CEP97: variants seen among roughly 807,000 people sequenced by gnomAD.
The protein encoded by CEP97 is centrosomal protein of 97 kDa.
Under a neutral mutation model 73.1 loss-of-function variants are expected in CEP97, and 43 were observed. That is an observed-to-expected ratio of 0.59 (90% CI 0.46 to 0.76). The LOEUF (loss-of-function observed/expected upper bound fraction) is 0.76. CEP97 is among the 30% of genes least tolerant of loss of function. The pLI is 0.00. For synonymous variants in CEP97, 337 were observed against 370.0 expected, an observed-to-expected ratio of 0.91 and a Z score of 1.02; for missense variants, 939 against 1,014.0, an observed-to-expected ratio of 0.93 and a Z score of 1.00.
At position 101,750,743 on chromosome 3, in the gene CEP97, A is replaced by G. The variant is rs548010765; in HGVS notation, c.729-4687A>G. On this transcript the variant is annotated intron_variant, in intron 6 of 10. Coordinates refer to ENST00000341893, the MANE Select transcript of CEP97 (RefSeq NM_024548.4). ...CTCTGATGGTAGTTTGTATTTCTGT[A>G]GGATCGGTGGTGATATCCCCTTTGT... Among the ~76,000 whole-genome samples the G allele has an allele frequency of 7.3e-4, 111 of 152,150 alleles. 2 individuals are homozygous for G. In the South Asian group the frequency reaches 0.022, roughly 30 times the overall value.
At chr3:101,733,422 T>G (rs896775942) in intron 6 of CEP97, among the ~76,000 whole-genome samples, 3 of 152,190 alleles carry the variant, frequency 2.0e-5, no homozygotes. Context: ...TATCTTAGAA[T>G]TCTCCAAATA....
At chr3:101,729,552 T>G (rs1418538994) in intron 4 of CEP97, among the ~76,000 whole-genome samples, 1 of 152,016 alleles carries the variant, frequency 6.6e-6, no homozygotes, top group Non-Finnish European at 1.5e-5. Context: ...TTTGGTGAGG[T>G]TGAGATTAAT....
At chr3:101,731,393 G>A (rs956440322) in intron 4 of CEP97, among the ~76,000 whole-genome samples, 1 of 151,534 alleles carries the variant, frequency 6.6e-6, no homozygotes, top group Admixed American at 6.6e-5. Context: ...TAGAGACCAG[G>A]TCTCACTATG....
At chr3:101,727,659 T>G in intron 3 of CEP97, 118 bp downstream of exon 3, 1 of 729,906 alleles carries the variant, frequency 1.4e-6, no homozygotes, top group Non-Finnish European at 2.2e-6. Context: ...GGATAATCTC[T>G]GTTAAAATAA....
chr3:101,734,525 G>A (rs1390832849), intron 6 of CEP97, among the ~76,000 whole-genome samples: 1 of 152,114 alleles, frequency 6.6e-6, no homozygotes, highest in South Asian at 2.1e-4. Flanking sequence ...TCCCTTCTCT[G>A]TCTCTCTGCT....
chr3:101,733,688 G>A (rs181230383), intron 6 of CEP97, among the ~76,000 whole-genome samples: 7,425 of 150,906 alleles, frequency 0.049, 643 homozygotes, highest in African/African-American at 0.17. Context: ...CCGCCACTAC[G>A]CCCGGCTAAT....
chr3:101,724,694 G>C lies in CEP97; in HGVS notation c.18G>C (p.Val6=), dbSNP rs757072345. The C allele has an allele frequency of 1.9e-6, 3 of 1,614,188 alleles. No individual in the cohort carries two copies. The highest frequency in any genetic ancestry group is 1.6e-4 in the Middle Eastern group (1 of 6,062). The change falls in exon 1 of 11, where the codon GTG becomes GTC. Residue 6 remains valine, a synonymous_variant. Coordinates refer to ENST00000341893, the MANE Select transcript of CEP97 (RefSeq NM_024548.4). ...CAGCAAATATGGCGGTGGCGCGCGT[G>C]GACGCGGCTTTGCCTCCCGGAGAAG... MAVAR[V]DAALPPGEGS... is the part of the protein sequence containing the mutation.
rs1375545402 is a variant in CEP97 at position 101,732,608 on chromosome 3, C to T, written c.682C>T (p.Leu228=). The stretch of plus-strand genomic sequence containing the variant: ...TCGGCCGTACATCGTCAGCTGGTGC[C>T]TAAACCTCAGAGTCCTAGATGGATA... The part of the protein sequence containing the change: ...DYRPYIVSWC[L]NLRVLDGYVI... Residue 228 remains leucine (L), a synonymous_variant, in exon 6 of 11, where the codon CTA becomes TTA. Coordinates refer to ENST00000341893, the MANE Select transcript of CEP97 (RefSeq NM_024548.4). 1.9e-6 allele frequency: 3 copies of T among 1,613,950 alleles called. No individual in the cohort carries two copies. The highest frequency in any genetic ancestry group is 2.5e-6 in the Non-Finnish European group (3 of 1,179,948).
Position 101,724,655 on chromosome 3 carries a change from G to T in CEP97, c.-22G>T, listed in dbSNP as rs1560005268. The T allele has an allele frequency of 1.2e-6, 2 of 1,614,172 alleles. No homozygotes were observed. The highest frequency in any genetic ancestry group is 1.7e-5 in the Admixed American group (1 of 60,026). ...AGAGCCGCGGGAGGACGGTTGCCTG[G>T]TATTATTAGCAAGCAGCAAATATGG... On this transcript the variant is annotated 5_prime_UTR_variant, in exon 1 of 11. Coordinates refer to ENST00000341893, the MANE Select transcript of CEP97 (RefSeq NM_024548.4).
intron 6 of CEP97, among the ~76,000 whole-genome samples, chr3:101,746,839 A>T (rs1455289732): frequency 1.3e-5 from 2 of 149,620 alleles, no homozygotes; most frequent in Non-Finnish European, 3.0e-5. Context: ...CAAGAAAAAA[A>T]CAAACAACCC....
intron 10 of CEP97, among the ~76,000 whole-genome samples, chr3:101,763,856 A>C (rs571307398): frequency 6.6e-6 from 1 of 151,906 alleles, no homozygotes; most frequent in Admixed American, 6.6e-5. Context: ...TATTGAATAG[A>C]TCTCATTATA....
chr3:101,731,694 G>A (rs1576677221), intron 4 of CEP97, 146 bp from the exon 5 acceptor site: 1 of 577,210 alleles, frequency 1.7e-6, no homozygotes, highest in Non-Finnish European at 3.1e-6. Flanking sequence ...GACCCTTGTA[G>A]CATTAACAGT....
intron 6 of CEP97, among the ~76,000 whole-genome samples, chr3:101,741,604 T>C (rs1938456140): frequency 6.6e-6 from 1 of 152,052 alleles, no homozygotes; most frequent in African/African-American, 2.4e-5. Context: ...GCAAAGGATA[T>C]GAACAGATAT....
intron 6 of CEP97, among the ~76,000 whole-genome samples, chr3:101,745,650 G>A (rs537554918): frequency 2.6e-5 from 4 of 151,156 alleles, no homozygotes; most frequent in Non-Finnish European, 5.9e-5. Context: ...CCCACCATGC[G>A]GCTTCAACAA....
In CEP97 at chr3:101,732,610, A is replaced by G; in HGVS notation, c.684A>G (p.Leu228=). 1.2e-6 allele frequency: 2 copies of G among 1,614,094 alleles called. No homozygotes were observed. The highest frequency in any genetic ancestry group is 1.7e-6 in the Non-Finnish European group (2 of 1,179,948). ...DYRPYIVSWC[L]NLRVLDGYVI... ...GGCCGTACATCGTCAGCTGGTGCCT[A>G]AACCTCAGAGTCCTAGATGGATATG... is the stretch of plus-strand genomic sequence containing the variant. Residue 228 remains leucine (L), a synonymous_variant, in exon 6 of 11, where the codon CTA becomes CTG. Coordinates refer to ENST00000341893, the MANE Select transcript of CEP97 (RefSeq NM_024548.4).
At chr3:101,760,343 G>A (rs190480753) in intron 9 of CEP97, among the ~76,000 whole-genome samples, 3 of 152,222 alleles carry the variant, frequency 2.0e-5, no homozygotes, top group African/African-American at 7.2e-5. Context: ...GACAATGTGA[G>A]AAAATGCTTA....
chr3:101,735,052 T>C (rs998924819), intron 6 of CEP97, among the ~76,000 whole-genome samples: 1 of 152,180 alleles, frequency 6.6e-6, no homozygotes, highest in African/African-American at 2.4e-5. Context: ...GGATTAAGGA[T>C]GATGTATAGA....
intron 6 of CEP97, among the ~76,000 whole-genome samples, chr3:101,748,342 T>C (rs567445949): frequency 2.0e-4 from 30 of 152,214 alleles, no homozygotes; most frequent in African/African-American, 6.7e-4. Context: ...CAGTTGACGA[T>C]CTACAGTTTG....
At chr3:101,754,717 T>C (rs1560018340) in intron 6 of CEP97, among the ~76,000 whole-genome samples, 1 of 152,176 alleles carries the variant, frequency 6.6e-6, no homozygotes, top group Non-Finnish European at 1.5e-5. Flanking sequence ...TTTCTCTCTC[T>C]CTCCCTTGCT....
Sources: gnomAD v4.1 joint callset for allele counts (sites outside exome capture counted in the v4.1 genomes callset) on GRCh38, gnomAD v4.1.1 for gene constraint, MANE v1.5 for transcripts, NCBI Gene and HGNC (gene_info 2026-07-23, HGNC 2026-07-21) for gene names.